Variants in CFAP161 observed in about 807,000 individuals in gnomAD.
CFAP161 encodes cilia- and flagella-associated protein 161.
CFAP161 carries 25 observed loss-of-function variants against 29.0 expected under a neutral mutation model. That is an observed-to-expected ratio of 0.86 (90% confidence interval 0.63 to 1.20). The LOEUF (loss-of-function observed/expected upper bound fraction) is 1.20, where lower values mean the gene tolerates loss of function less well. Among genes scored for constraint, CFAP161 ranks in the 50% most tolerant of loss-of-function variants. The probability of loss-of-function intolerance (pLI) is 0.00; values close to 1 mark genes in which losing one functional copy is unlikely to be tolerated. For missense variants in CFAP161, 367 were observed against 371.9 expected (o/e 0.99, Z 0.11); for synonymous variants, 116 against 137.4 (o/e 0.84, Z 1.09).
At chr15:81,116,243 T>A (rs1894495983) in intron 1 of CFAP161, among the ~76,000 whole-genome samples, 2 of 152,162 alleles carry the variant, frequency 1.3e-5, no homozygotes, top group Non-Finnish European at 2.9e-5. Flanking sequence ...TTAAGGGAGG[T>A]AAAAGTCTCA....
At chr15:81,117,317 A>C (rs1321172488) in intron 1 of CFAP161, among the ~76,000 whole-genome samples, 4 of 152,164 alleles carry the variant, frequency 2.6e-5, no homozygotes, top group Non-Finnish European at 5.9e-5. Flanking sequence ...TCGCAATCTC[A>C]GTGTAATTGG....
intron 1 of CFAP161, among the ~76,000 whole-genome samples, chr15:81,115,849 A>ATTTTTTT (rs59925511): frequency 3.6e-5 from 5 of 138,688 alleles, no homozygotes; most frequent in African/African-American, 1.3e-4. Flanking sequence ...TAGCTAATTA[A>ATTTTTTT]TTTTTTTTTT....
chr15:81,134,200 G>T, upstream of CFAP161: 1 of 1,123,694 alleles, frequency 8.9e-7, no homozygotes, highest in Non-Finnish European at 1.3e-6. Context: ...GGGCGAGGGT[G>T]CGCGCTGTCG....
intron 1 of CFAP161, among the ~76,000 whole-genome samples, chr15:81,102,541 G>A (rs1008180654): frequency 6.6e-6 from 1 of 152,128 alleles, no homozygotes; most frequent in South Asian, 2.1e-4. Flanking sequence ...ACGTGGTGGT[G>A]CACATCATTT....
At chr15:81,129,348 A>G (rs1211464754), upstream of CFAP161, among the ~76,000 whole-genome samples, 2 of 152,200 alleles carry the variant, frequency 1.3e-5, no homozygotes, top group Non-Finnish European at 1.5e-5. Flanking sequence ...TGGGTGATTT[A>G]TGAAGAAAAA....
upstream of CFAP161, among the ~76,000 whole-genome samples, chr15:81,133,851 A>T (rs76986294): frequency 2.1e-3 from 318 of 152,200 alleles, 4 homozygotes; most frequent in African/African-American, 7.2e-3. Context: ...TTGGTTTCCA[A>T]ATGTGTACAT....
At chr15:81,109,596 C>T (rs1244631105) in intron 1 of CFAP161, among the ~76,000 whole-genome samples, 1 of 152,104 alleles carries the variant, frequency 6.6e-6, no homozygotes, top group Non-Finnish European at 1.5e-5. Context: ...CCCAGCTATT[C>T]AGGAGGCTGA....
At chr15:81,109,761 A>T (rs1337153975) in intron 1 of CFAP161, among the ~76,000 whole-genome samples, 1 of 152,196 alleles carries the variant, frequency 6.6e-6, no homozygotes, top group South Asian at 2.1e-4. Flanking sequence ...TATTGTTTCT[A>T]CTGTTAATGT....
At chr15:81,144,145 C>T (rs1894966198) in intron 5 of CFAP161, among the ~76,000 whole-genome samples, 1 of 152,206 alleles carries the variant, frequency 6.6e-6, no homozygotes, top group South Asian at 2.1e-4. Flanking sequence ...AGTTTCTCAC[C>T]TCTGGCTGCA....
intron 2 of CFAP161, 104 bp from the exon 3 acceptor site, chr15:81,136,412 T>A: frequency 1.0e-6 from 1 of 996,342 alleles, no homozygotes; most frequent in Non-Finnish European, 1.5e-6. Flanking sequence ...CCAAGTGAAA[T>A]CCTGAATGAA....
At chr15:81,135,906 C>T (rs1025197118) in intron 2 of CFAP161, among the ~76,000 whole-genome samples, 1 of 152,152 alleles carries the variant, frequency 6.6e-6, no homozygotes, top group South Asian at 2.1e-4. Flanking sequence ...CCATTTGACC[C>T]AGACATCCCA....
At position 81,107,346 on chromosome 15, in the gene CFAP161, C is replaced by T. The variant is rs183664848; in HGVS notation, c.-141-20244C>T. Among the ~76,000 whole-genome samples, 233 of 152,340 alleles carry T rather than the reference C, an allele frequency of 1.5e-3. 1 individual carries two copies. The highest frequency in any genetic ancestry group is 5.1e-3 in the African/African-American group (211 of 41,566). The stretch of plus-strand genomic sequence containing the variant: ...ACAGATGAGGCAACTAAGTCATAGA[C>T]TGTGATTCCACCCAAGGTTTACACA... On this transcript the variant is annotated intron_variant, in intron 1 of 4. Transcript: ENST00000560091.
chr15:81,115,701 GAC>G (rs1222661844), intron 1 of CFAP161, among the ~76,000 whole-genome samples: 3 of 152,038 alleles, frequency 2.0e-5, no homozygotes, highest in Non-Finnish European at 4.4e-5. Context: ...TTTGTTTTGA[GAC>G]AGGGCTCACT....
intron 1 of CFAP161, among the ~76,000 whole-genome samples, chr15:81,118,698 G>T (rs575374682): frequency 5.9e-5 from 9 of 152,260 alleles, no homozygotes; most frequent in Admixed American, 1.3e-4. Context: ...GTACTCTAGC[G>T]AGGCCAGAGG....
At chr15:81,099,728 C>T (rs546786785) in intron 1 of CFAP161, among the ~76,000 whole-genome samples, 29 of 152,048 alleles carry the variant, frequency 1.9e-4, no homozygotes, top group Non-Finnish European at 3.7e-4. Flanking sequence ...GAAGTCCCAT[C>T]CCTTTTTTAT....
At chr15:81,131,733 T>C (rs1894714011), upstream of CFAP161, among the ~76,000 whole-genome samples, 1 of 151,976 alleles carries the variant, frequency 6.6e-6, no homozygotes, top group Non-Finnish European at 1.5e-5. Flanking sequence ...GGGAGTTTCA[T>C]AAAGACAGAA....
chr15:81,102,160 G>A (rs1394105224), intron 1 of CFAP161, among the ~76,000 whole-genome samples: 1 of 152,194 alleles, frequency 6.6e-6, no homozygotes, highest in African/African-American at 2.4e-5. Flanking sequence ...AGCACAAATA[G>A]CAATTGTGCT....
At chr15:81,126,085 T>C (rs1449310138) in intron 1 of CFAP161, among the ~76,000 whole-genome samples, 2 of 152,168 alleles carry the variant, frequency 1.3e-5, no homozygotes, top group East Asian at 3.8e-4. Context: ...GGCAGGCTGG[T>C]CTCAAACTCC....
intron 5 of CFAP161, among the ~76,000 whole-genome samples, chr15:81,146,186 C>T (rs138407054): frequency 4.7e-4 from 72 of 152,242 alleles, no homozygotes; most frequent in African/African-American, 1.7e-3. Flanking sequence ...ATTCTGTTCC[C>T]AGGAGAACAC....
Sources: gnomAD v4.1 joint callset for allele counts (sites outside exome capture counted in the v4.1 genomes callset) on GRCh38, gnomAD v4.1.1 for gene constraint, MANE v1.5 for transcripts, NCBI Gene and HGNC (gene_info 2026-07-23, HGNC 2026-07-21) for gene names.